AGPAT4: variants seen among roughly 807,000 people sequenced by gnomAD.
AGPAT4 encodes the protein 1-acyl-sn-glycerol-3-phosphate acyltransferase delta.
Under a neutral mutation model 48.0 loss-of-function variants are expected in AGPAT4, and 15 were observed. That is an observed-to-expected ratio of 0.31 (90% CI 0.21 to 0.48). The LOEUF is 0.48. AGPAT4 is among the 20% of genes least tolerant of loss of function. AGPAT4 has a pLI of 0.99. For synonymous variants in AGPAT4, 178 were observed against 198.7 expected, an observed-to-expected ratio of 0.90 and a Z score of 0.88; for missense variants, 314 against 482.5, an observed-to-expected ratio of 0.65 and a Z score of 3.27.
rs1247061158 is a variant in AGPAT4 at position 161,266,586 on chromosome 6, G to A, written c.-90+7352C>T. 2.0e-5 allele frequency among the ~76,000 whole-genome samples: 3 copies of A among 152,166 alleles called. No homozygotes were observed. Among genetic ancestry groups the A allele is most frequent in the Non-Finnish European group, 4.4e-5 (3 of 68,026 alleles). On this transcript the variant is annotated intron_variant, in intron 1 of 8. Coordinates refer to ENST00000320285, the MANE Select transcript of AGPAT4 (RefSeq NM_020133.3). This position sits in a 1 kb window ranked among gnomAD's most constrained non-coding sequence, Gnocchi z 6.2. ...TGCTAGAAATGGACTCACAGGCATA[G>A]AAATGGTTCCTATGCAGGCTACCCA...
intron 1 of AGPAT4, among the ~76,000 whole-genome samples, chr6:161,253,261 T>C (rs1782854592): frequency 1.1e-5 from 1 of 88,912 alleles, no homozygotes; most frequent in African/African-American, 4.4e-5. Flanking sequence ...CTTTTTTTAA[T>C]TTTTTTTTTT....
Position 161,242,216 on chromosome 6 carries a change from A to C in AGPAT4, c.-89-9914T>G, listed in dbSNP as rs1207937397. Among the ~76,000 whole-genome samples the C allele has an allele frequency of 6.6e-6, 1 of 152,248 alleles. No homozygotes were observed. Among genetic ancestry groups the C allele is most frequent in the Non-Finnish European group, 1.5e-5 (1 of 68,050 alleles). On this transcript the variant is annotated intron_variant, in intron 1 of 8. Coordinates refer to ENST00000320285, the MANE Select transcript of AGPAT4 (RefSeq NM_020133.3). The surrounding 1 kb of genome is among the most constrained non-coding windows in gnomAD (Gnocchi z 5.0). ...TTTAGTTAGAGGAGGTGAAGTGTAA[A>C]GGGCTAATGGTGAGTAACTGTGGGG...
At chr6:161,150,580 C>T (rs529392938) in intron 5 of AGPAT4, among the ~76,000 whole-genome samples, 2 of 152,344 alleles carry the variant, frequency 1.3e-5, no homozygotes, top group Admixed American at 6.5e-5. Flanking sequence ...CTTCTACCTG[C>T]TGCCTGACCA....
rs1052404741 is a variant in AGPAT4, at chr6:161,202,552, G to A, written c.178+29484C>T. On this transcript the variant is annotated intron_variant, in intron 2 of 8. Transcript: ENST00000320285. This position sits in a 1 kb window ranked among gnomAD's most constrained non-coding sequence, Gnocchi z 5.4. ...GGGAAATGGGGTTTCACTTTTTTCA[G>A]GGAAGACTGTCAAAGACATATTTAA... Among the ~76,000 whole-genome samples the A allele has an allele frequency of 5.3e-5, 8 of 152,066 alleles. No individual in the cohort carries two copies. The highest frequency in any genetic ancestry group is 1.2e-4 in the Non-Finnish European group (8 of 68,018).
chr6:161,145,168 A>C (rs1779383533), intron 7 of AGPAT4, among the ~76,000 whole-genome samples: 1 of 151,564 alleles, frequency 6.6e-6, no homozygotes, highest in African/African-American at 2.4e-5. Flanking sequence ...CTTGTTGTTA[A>C]AAAGCTTCAG....
rs1582899752 is a variant in AGPAT4 at position 161,238,061 on chromosome 6, T to G, written c.-89-5759A>C. ...CAAGCACTGCTGTGTGTTGGGGGGC[T>G]GGGGGTGGGGGGGTAATGGGGGGGT... On this transcript the variant is annotated intron_variant, in intron 1 of 8. Transcript: ENST00000320285. This position sits in a 1 kb window ranked among gnomAD's most constrained non-coding sequence, Gnocchi z 5.2. Among the ~76,000 whole-genome samples the G allele has an allele frequency of 5.2e-4, 1 of 1,932 alleles. No homozygotes were observed. The highest frequency in any genetic ancestry group is 2.1e-3 in the African/African-American group (1 of 478). 1.3% of individuals were successfully genotyped at this position (1,932 alleles called of 152,430 possible).
rs1782582612 is a variant in AGPAT4 at position 161,244,174 on chromosome 6, CG to C, written c.-89-11873del. ...TTCCTGATCTCAAACAGACATACAG[CG>C]AGGAGCTGACGACACAATTCTAACA... On this transcript the variant is annotated intron_variant, in intron 1 of 8. Transcript: ENST00000320285. The surrounding 1 kb of genome is among the most constrained non-coding windows in gnomAD (Gnocchi z 4.7). Among the ~76,000 whole-genome samples, 1 of 152,136 alleles carries C rather than the reference CG, an allele frequency of 6.6e-6. No individual in the cohort carries two copies. Among genetic ancestry groups the C allele is most frequent in the Non-Finnish European group, 1.5e-5 (1 of 68,036 alleles).
At chr6:161,179,849 G>C (rs192693150) in intron 2 of AGPAT4, among the ~76,000 whole-genome samples, 1 of 152,252 alleles carries the variant, frequency 6.6e-6, no homozygotes, top group East Asian at 1.9e-4. Flanking sequence ...CAAAATACAT[G>C]TTAATCAACT....
In AGPAT4 at chr6:161,242,865, C is replaced by T. The variant is rs1268340444; in HGVS notation, c.-89-10563G>A. Among the ~76,000 whole-genome samples, 2 of 152,056 alleles carry T rather than the reference C, an allele frequency of 1.3e-5. No homozygotes were observed. Among genetic ancestry groups the T allele is most frequent in the African/African-American group, 4.8e-5 (2 of 41,416 alleles). On this transcript the variant is annotated intron_variant, in intron 1 of 8. Transcript: ENST00000320285. The surrounding 1 kb of genome is among the most constrained non-coding windows in gnomAD (Gnocchi z 5.0). ...GGTGGCTCACCTGAGGTCAGGAGAT[C>T]GAGGCCAGCCTGGCCAACATAGTGA... is the stretch of plus-strand genomic sequence containing the variant.
intron 1 of AGPAT4, among the ~76,000 whole-genome samples, chr6:161,258,087 T>G (rs530184674): frequency 5.3e-4 from 81 of 152,370 alleles, no homozygotes; most frequent in Middle Eastern, 3.4e-3. Flanking sequence ...CGTGCCAGAA[T>G]GAAAGTTCTA....
Position 161,154,340 on chromosome 6 carries a change from A to G in AGPAT4, c.349-30T>C, listed in dbSNP as rs1779701038. On this transcript the variant is annotated intron_variant, in intron 3 of 8. Coordinates refer to ENST00000320285, the MANE Select transcript of AGPAT4 (RefSeq NM_020133.3). The surrounding 1 kb of genome is among the most constrained non-coding windows in gnomAD (Gnocchi z 7.8). ...AACAGAAGAAGGAGCCCAGGTGCCC[A>G]TGAAGGAGACGTCAGAGCCACCTGC... 6.2e-7 allele frequency: 1 copy of G among 1,613,112 alleles called. No individual in the cohort carries two copies. Among genetic ancestry groups the G allele is most frequent in the South Asian group, 1.1e-5 (1 of 91,030 alleles).
intron 2 of AGPAT4, among the ~76,000 whole-genome samples, chr6:161,194,528 G>A (rs1203983555): frequency 6.6e-6 from 1 of 151,624 alleles, no homozygotes; most frequent in Non-Finnish European, 1.5e-5. Flanking sequence ...GTGTGTGTCT[G>A]TGTGTCTATG....
At chr6:161,150,455 T>C (rs1225233160) in intron 5 of AGPAT4, among the ~76,000 whole-genome samples, 1 of 152,168 alleles carries the variant, frequency 6.6e-6, no homozygotes, top group Non-Finnish European at 1.5e-5. Context: ...GAGCTTTACA[T>C]ATGTGCAAGT....
At position 161,204,806 on chromosome 6, in the gene AGPAT4, T is replaced by C. The variant is rs1781336018; in HGVS notation, c.178+27230A>G. ...TTTCCCCAGAGTGAAACACATATTT[T>C]CAGTGAAGTTATTCCCTTTTCTCCA... On this transcript the variant is annotated intron_variant, in intron 2 of 8. Transcript: ENST00000320285. The surrounding 1 kb of genome is among the most constrained non-coding windows in gnomAD (Gnocchi z 4.4). 1.3e-5 allele frequency among the ~76,000 whole-genome samples: 2 copies of C among 152,192 alleles called. No individual in the cohort carries two copies. Among genetic ancestry groups the C allele is most frequent in the Non-Finnish European group, 2.9e-5 (2 of 68,048 alleles).
At chr6:161,174,556 T>C (rs1389151779) in intron 2 of AGPAT4, among the ~76,000 whole-genome samples, 3 of 152,202 alleles carry the variant, frequency 2.0e-5, no homozygotes, top group African/African-American at 7.2e-5. Flanking sequence ...GCTGAGATGA[T>C]GGGGTTTTCT....
intron 2 of AGPAT4, among the ~76,000 whole-genome samples, chr6:161,183,796 G>A (rs1011810487): frequency 2.0e-4 from 30 of 150,898 alleles, no homozygotes; most frequent in East Asian, 8.0e-4. Context: ...CTCAGATGAC[G>A]CGTATATGAG....
chr6:161,219,329 A>G lies in AGPAT4; in HGVS notation c.178+12707T>C, dbSNP rs1403525420. Among the ~76,000 whole-genome samples the G allele has an allele frequency of 6.6e-6, 1 of 152,072 alleles. No homozygotes were observed. The highest frequency in any genetic ancestry group is 2.4e-5 in the African/African-American group (1 of 41,442). ...TTGTATTTTATATAATTTAAAAAAT[A>G]TATAAAATGTCCTATCCAGACATTT... On this transcript the variant is annotated intron_variant, in intron 2 of 8. Coordinates refer to ENST00000320285, the MANE Select transcript of AGPAT4 (RefSeq NM_020133.3). This position sits in a 1 kb window ranked among gnomAD's most constrained non-coding sequence, Gnocchi z 4.9.
Position 161,255,729 on chromosome 6 carries a change from G to C in AGPAT4, c.-90+18209C>G, listed in dbSNP as rs992544843. Among the ~76,000 whole-genome samples the C allele has an allele frequency of 6.6e-6, 1 of 151,848 alleles. No individual in the cohort carries two copies. Among genetic ancestry groups the C allele is most frequent in the Non-Finnish European group, 1.5e-5 (1 of 67,978 alleles). Reference sequence around the variant, plus strand: ...TGTCTAGGGCTGGAGGGGGCAGGATGGGGGAGTGACTGCTGATATGTACGG... The same window carrying C: ...TGTCTAGGGCTGGAGGGGGCAGGATCGGGGAGTGACTGCTGATATGTACGG... On this transcript the variant is annotated intron_variant, in intron 1 of 8. Transcript: ENST00000320285. This position sits in a 1 kb window ranked among gnomAD's most constrained non-coding sequence, Gnocchi z 4.7.
rs527413855 is a variant in AGPAT4 at position 161,131,654 on chromosome 6, G to A, written c.*4886C>T. 1 of 152,290 alleles carries A rather than the reference G, an allele frequency of 6.6e-6. No homozygotes were observed. The highest frequency in any genetic ancestry group is 2.4e-5 in the African/African-American group (1 of 41,554). The allele number at this position is 152,290 out of a possible 1,614,324, so 9.4% of individuals were successfully genotyped here. A position where few individuals can be genotyped will look rare whatever the true frequency, so the allele number is the denominator to read the frequency against. ...GCTCAGAGAGATGGGACTCCAATGA[G>A]GAGACACACTATGTAGGTGCAATTT... is the stretch of plus-strand genomic sequence containing the variant. On this transcript the variant is annotated 3_prime_UTR_variant, in exon 9 of 9. Coordinates refer to ENST00000320285, the MANE Select transcript of AGPAT4 (RefSeq NM_020133.3).
Sources: allele counts gnomAD v4.1 joint callset (sites outside exome capture counted in the v4.1 genomes callset), GRCh38; gene constraint gnomAD v4.1.1; non-coding constraint Gnocchi (gnomAD v3.1); transcripts MANE v1.5; gene names NCBI Gene and HGNC (gene_info 2026-07-23, HGNC 2026-07-21).